The following ADIPOR2 variants were observed in gnomAD, a reference collection of about 807,000 sequenced individuals.
The protein encoded by ADIPOR2 is adiponectin receptor protein 2.
ADIPOR2 carries 18 observed loss-of-function variants against 40.9 expected under a neutral mutation model. The ratio of observed to expected loss-of-function variants is 0.44; its 90% CI spans 0.30 to 0.65. The LOEUF is 0.65. Ranked by LOEUF, ADIPOR2 falls within the 30% of genes least tolerant of loss-of-function variation. The pLI is 0.09. For missense variants in ADIPOR2, 283 were observed against 479.2 expected (o/e 0.59, Z 3.82); for synonymous variants, 165 against 166.4 (o/e 0.99, Z 0.06).
chr12:1,783,837 G>A, intron 6 of ADIPOR2, 43 bp from the exon 7 acceptor site: 1 of 1,480,768 alleles, frequency 6.8e-7, no homozygotes. Flanking sequence ...CTGGCTCTTT[G>A]TTTCTCTTCT....
intron 1 of ADIPOR2, among the ~76,000 whole-genome samples, chr12:1,705,199 T>G (rs2094659573): frequency 6.6e-6 from 1 of 152,196 alleles, no homozygotes; most frequent in African/African-American, 2.4e-5. Flanking sequence ...ATTTTATTTT[T>G]GAAGTAGTTT....
At chr12:1,757,341 A>G (rs1490102194) in intron 2 of ADIPOR2, 16 of 694,998 alleles carry the variant, frequency 2.3e-5, no homozygotes, top group Middle Eastern at 2.5e-4. Flanking sequence ...GCCCTTGCCA[A>G]TAACAAAAAT....
At chr12:1,766,998 GGT>G (rs1862393455) in intron 2 of ADIPOR2, among the ~76,000 whole-genome samples, 1 of 152,164 alleles carries the variant, frequency 6.6e-6, no homozygotes, top group Non-Finnish European at 1.5e-5. Context: ...GGCCGGGTGT[GGT>G]GGCTCACGCC....
chr12:1,757,835 T>A (rs1280466564), intron 2 of ADIPOR2: 19 of 834,804 alleles, frequency 2.3e-5, no homozygotes, highest in Non-Finnish European at 3.6e-5. Context: ...TCTTCTTTAC[T>A]TCATCTCCTG....
At chr12:1,769,803 A>G (rs922040564) in intron 2 of ADIPOR2, among the ~76,000 whole-genome samples, 2 of 152,162 alleles carry the variant, frequency 1.3e-5, no homozygotes, top group South Asian at 2.1e-4. Context: ...TGGCCTCCCA[A>G]AGTGCTGGGA....
chr12:1,731,897 G>A (rs1287976563), intron 1 of ADIPOR2, among the ~76,000 whole-genome samples: 1 of 152,162 alleles, frequency 6.6e-6, no homozygotes, highest in Non-Finnish European at 1.5e-5. Context: ...CCGCGGGGCA[G>A]AGGTTGCAGT....
chr12:1,770,742 A>G (rs1862478611), intron 2 of ADIPOR2, among the ~76,000 whole-genome samples: 2 of 152,246 alleles, frequency 1.3e-5, no homozygotes, highest in South Asian at 4.1e-4. Context: ...CGTTAAATAA[A>G]ACAGTATTAG....
intron 2 of ADIPOR2, among the ~76,000 whole-genome samples, chr12:1,755,654 C>G (rs1171590929): frequency 6.6e-6 from 1 of 152,180 alleles, no homozygotes; most frequent in East Asian, 1.9e-4. Flanking sequence ...ACCTATAGAG[C>G]AGAAGTATCA....
At chr12:1,756,215 A>G (rs1862125698) in intron 2 of ADIPOR2, among the ~76,000 whole-genome samples, 1 of 152,042 alleles carries the variant, frequency 6.6e-6, no homozygotes, top group South Asian at 2.1e-4. Flanking sequence ...CAGTGGCACC[A>G]TCTCGGCTCA....
intron 2 of ADIPOR2, among the ~76,000 whole-genome samples, chr12:1,766,703 T>G (rs1862388072): frequency 6.6e-6 from 1 of 152,222 alleles, no homozygotes; most frequent in Non-Finnish European, 1.5e-5. Context: ...TCTGCCTCCC[T>G]GCTCCCTTTC....
At chr12:1,775,462 AG>A (rs1862570919) in intron 3 of ADIPOR2, among the ~76,000 whole-genome samples, 2 of 152,220 alleles carry the variant, frequency 1.3e-5, no homozygotes, top group South Asian at 4.1e-4. Context: ...TAGAAATACC[AG>A]GGAAAATCAC....
intron 1 of ADIPOR2, among the ~76,000 whole-genome samples, chr12:1,702,262 G>A (rs1219811098): frequency 6.6e-6 from 1 of 152,182 alleles, no homozygotes; most frequent in Non-Finnish European, 1.5e-5. Context: ...TTATTTCTGT[G>A]TGTATGTATG....
At chr12:1,743,240 A>AAAAAC (rs1555169151) in intron 1 of ADIPOR2, among the ~76,000 whole-genome samples, 22 of 132,956 alleles carry the variant, frequency 1.7e-4, no homozygotes, top group African/African-American at 5.2e-4. Context: ...AAAAAAAAAA[A>AAAAAC]AAAAAACAAA....
Position 1,771,147 on chromosome 12 carries a change from C to T in ADIPOR2, c.172-1695C>T, listed in dbSNP as rs992203675. On this transcript the variant is annotated intron_variant, in intron 2 of 7. Transcript: ENST00000357103. ...GGACCAGCCTGAGCAACACAGACCT[C>T]GTCTCTACACACACGCATGTGCACA... is the stretch of plus-strand genomic sequence containing the variant. 9.2e-5 allele frequency among the ~76,000 whole-genome samples: 14 copies of T among 151,728 alleles called. No individual in the cohort carries two copies. The East Asian group carries it at 2.1e-3, about 23-fold the overall frequency.
At chr12:1,738,028 A>G (rs958899555) in intron 1 of ADIPOR2, among the ~76,000 whole-genome samples, 2 of 151,962 alleles carry the variant, frequency 1.3e-5, no homozygotes, top group Admixed American at 6.6e-5. Context: ...CATTACCACT[A>G]CTTGATTTGA....
In ADIPOR2 at chr12:1,743,840, G is replaced by A. The variant is rs191169601; in HGVS notation, c.-86-10418G>A. The stretch of plus-strand genomic sequence containing the variant: ...ATAGGCTTTTCTATGTTATATACAA[G>A]AAAAAGGAGATAAAATAATTTAACT... On this transcript the variant is annotated intron_variant, in intron 1 of 7. Coordinates refer to ENST00000357103, the MANE Select transcript of ADIPOR2 (RefSeq NM_024551.3). 4.9e-4 allele frequency among the ~76,000 whole-genome samples: 74 copies of A among 152,134 alleles called. 1 individual carries two copies. The East Asian group carries it at 0.013, about 27-fold the overall frequency.
chr12:1,722,037 A>T (rs528180087), intron 1 of ADIPOR2, among the ~76,000 whole-genome samples: 2 of 152,334 alleles, frequency 1.3e-5, no homozygotes, highest in Non-Finnish European at 2.9e-5. Flanking sequence ...ACGCCTTTTG[A>T]AAAAGATTAC....
intron 1 of ADIPOR2, among the ~76,000 whole-genome samples, chr12:1,725,907 C>T (rs2094707049): frequency 6.6e-6 from 1 of 152,118 alleles, no homozygotes; most frequent in Non-Finnish European, 1.5e-5. Flanking sequence ...TTCATTCACT[C>T]AAGAAATCTT....
chr12:1,736,941 G>A (rs2094732131), intron 1 of ADIPOR2, among the ~76,000 whole-genome samples: 1 of 152,204 alleles, frequency 6.6e-6, no homozygotes, highest in Non-Finnish European at 1.5e-5. Context: ...AATTTGGTCA[G>A]AATTAGTGTC....
Sources: gnomAD v4.1 joint callset for allele counts (sites outside exome capture counted in the v4.1 genomes callset) on GRCh38, gnomAD v4.1.1 for gene constraint, MANE v1.5 for transcripts, NCBI Gene and HGNC (gene_info 2026-07-23, HGNC 2026-07-21) for gene names.